KCNIP1: variants seen among roughly 807,000 people sequenced by gnomAD.
The protein encoded by KCNIP1 is A-type potassium channel modulatory protein KCNIP1.
In KCNIP1, 18 loss-of-function variants were observed where a neutral mutation model predicts 33.0. The observed-to-expected ratio is 0.55, with a 90% CI of 0.38 to 0.81. The LOEUF (loss-of-function observed/expected upper bound fraction) is 0.81, where lower values mean the gene tolerates loss of function less well. Ranked by LOEUF, KCNIP1 falls within the 30% of genes least tolerant of loss-of-function variation. The pLI is 0.00. For synonymous variants in KCNIP1, 93 were observed against 98.3 expected, an observed-to-expected ratio of 0.95 and a Z score of 0.32; for missense variants, 238 against 271.6, an observed-to-expected ratio of 0.88 and a Z score of 0.87.
intron 1 of KCNIP1, among the ~76,000 whole-genome samples, chr5:170,415,597 C>T (rs770893956): frequency 9.2e-5 from 14 of 152,176 alleles, no homozygotes; most frequent in Admixed American, 6.5e-5. Flanking sequence ...AGTCTTCTGA[C>T]TTCATGGTCC....
At chr5:170,706,105 T>A (rs1763249392) in intron 1 of KCNIP1, among the ~76,000 whole-genome samples, 1 of 152,188 alleles carries the variant, frequency 6.6e-6, no homozygotes, top group African/African-American at 2.4e-5. Flanking sequence ...GATACATTAA[T>A]ACCGAATCCA....
intron 1 of KCNIP1, among the ~76,000 whole-genome samples, chr5:170,449,750 C>T (rs906246203): frequency 9.2e-5 from 14 of 152,178 alleles, no homozygotes; most frequent in African/African-American, 2.9e-4. Flanking sequence ...CCAGGTACTC[C>T]TGAGCAATGG....
At chr5:170,463,368 C>A (rs1369085489) in intron 1 of KCNIP1, among the ~76,000 whole-genome samples, 1 of 152,050 alleles carries the variant, frequency 6.6e-6, no homozygotes, top group African/African-American at 2.4e-5. Context: ...TACAAAGCCA[C>A]TACAAAGAAA....
intron 1 of KCNIP1, among the ~76,000 whole-genome samples, chr5:170,588,599 C>G (rs1758087823): frequency 6.6e-6 from 1 of 152,292 alleles, no homozygotes; most frequent in Middle Eastern, 3.4e-3. Context: ...AGAGCCCACC[C>G]CTCGCCTCCC....
At chr5:170,490,381 G>A (rs1757181432) in intron 1 of KCNIP1, among the ~76,000 whole-genome samples, 1 of 152,194 alleles carries the variant, frequency 6.6e-6, no homozygotes, top group Non-Finnish European at 1.5e-5. Context: ...AAGCACAAGG[G>A]AGCCCCCCGT....
intron 1 of KCNIP1, among the ~76,000 whole-genome samples, chr5:170,391,619 C>T (rs1754595941): frequency 6.6e-6 from 1 of 152,218 alleles, no homozygotes; most frequent in South Asian, 2.1e-4. Flanking sequence ...TCTTCTCTGA[C>T]TCTTCCAACA....
upstream of KCNIP1, among the ~76,000 whole-genome samples, chr5:170,500,461 T>C (rs1757389204): frequency 6.6e-6 from 1 of 151,992 alleles, no homozygotes; most frequent in Non-Finnish European, 1.5e-5. Context: ...CTGTATTGAG[T>C]ACATCATGGG....
At chr5:170,710,165 A>G (rs186646) in intron 1 of KCNIP1, among the ~76,000 whole-genome samples, 1 of 152,110 alleles carries the variant, frequency 6.6e-6, no homozygotes, top group East Asian at 1.9e-4. Flanking sequence ...CTGTGCCTGG[A>G]CTGTGATTTC....
At chr5:170,425,225 C>A (rs1281528317) in intron 1 of KCNIP1, among the ~76,000 whole-genome samples, 1 of 152,204 alleles carries the variant, frequency 6.6e-6, no homozygotes, top group Non-Finnish European at 1.5e-5. Flanking sequence ...CCACTGCTTC[C>A]CCAGCCCTAG....
chr5:170,596,669 A>G (rs1286370183), intron 1 of KCNIP1, among the ~76,000 whole-genome samples: 1 of 152,252 alleles, frequency 6.6e-6, no homozygotes, highest in Non-Finnish European at 1.5e-5. Flanking sequence ...ACACTGCTGG[A>G]TAATGATCTC....
intron 1 of KCNIP1, among the ~76,000 whole-genome samples, chr5:170,710,244 C>A (rs1156334935): frequency 6.6e-6 from 1 of 152,186 alleles, no homozygotes; most frequent in Non-Finnish European, 1.5e-5. Flanking sequence ...CACTTATTAT[C>A]TCTTAATCTG....
intron 1 of KCNIP1, among the ~76,000 whole-genome samples, chr5:170,612,722 C>A (rs57353561): frequency 5.9e-5 from 9 of 152,224 alleles, no homozygotes; most frequent in African/African-American, 2.2e-4. Flanking sequence ...CAATGTGAGG[C>A]TGGGCTTTTA....
chr5:170,393,760 G>A (rs1754679895), intron 1 of KCNIP1, among the ~76,000 whole-genome samples: 1 of 151,874 alleles, frequency 6.6e-6, no homozygotes, highest in South Asian at 2.1e-4. Context: ...TGTGTAGGGT[G>A]ATACTCACTC....
At chr5:170,483,222 G>T in intron 1 of KCNIP1, 1 of 371,346 alleles carries the variant, frequency 2.7e-6, no homozygotes, top group South Asian at 2.1e-5. Flanking sequence ...AGGAACCCAG[G>T]GTGGTGGGAA....
intron 1 of KCNIP1, among the ~76,000 whole-genome samples, chr5:170,643,523 T>A (rs1760660350): frequency 6.6e-6 from 1 of 152,032 alleles, no homozygotes; most frequent in African/African-American, 2.4e-5. Context: ...CTTTACCCAC[T>A]CACCCCCCAA....
At chr5:170,665,020 G>T (rs1200657908) in intron 1 of KCNIP1, among the ~76,000 whole-genome samples, 1 of 152,166 alleles carries the variant, frequency 6.6e-6, no homozygotes, top group Non-Finnish European at 1.5e-5. Flanking sequence ...ACAAGCATCA[G>T]GCTTGGAAGA....
intron 1 of KCNIP1, among the ~76,000 whole-genome samples, chr5:170,467,614 G>A (rs1047156815): frequency 1.3e-5 from 2 of 152,142 alleles, no homozygotes; most frequent in Non-Finnish European, 2.9e-5. Context: ...TCTAACCCAA[G>A]GAAGATTTAG....
chr5:170,544,372 A>G (rs1470072127), intron 1 of KCNIP1, among the ~76,000 whole-genome samples: 6 of 152,186 alleles, frequency 3.9e-5, no homozygotes, highest in Admixed American at 1.3e-4. Flanking sequence ...GTACTATTAC[A>G]TGTTAACATG....
intron 1 of KCNIP1, among the ~76,000 whole-genome samples, chr5:170,676,117 G>T: frequency 1.1e-5 from 1 of 92,648 alleles, no homozygotes; most frequent in Admixed American, 1.5e-4. Context: ...AGAAGGGAGG[G>T]AGGGAGCGAG....
Sources: gnomAD v4.1 joint callset for allele counts (sites outside exome capture counted in the v4.1 genomes callset) on GRCh38, gnomAD v4.1.1 for gene constraint, MANE v1.5 for transcripts, NCBI Gene and HGNC (gene_info 2026-07-23, HGNC 2026-07-21) for gene names.